The following LIG3 variants were observed in gnomAD, a reference collection of about 807,000 sequenced individuals.
LIG3 encodes ligase II, DNA, ATP-dependent.
LIG3 carries 58 observed loss-of-function variants against 110.9 expected under a neutral mutation model. That is an observed-to-expected ratio of 0.52 (90% CI 0.42 to 0.65). The LOEUF (loss-of-function observed/expected upper bound fraction) is 0.65, where lower values mean the gene tolerates loss of function less well. Ranked by LOEUF, LIG3 falls within the 30% of genes least tolerant of loss-of-function variation. The pLI is 0.00. For missense variants in LIG3, 1,094 were observed against 1,273.8 expected (o/e 0.86, Z 2.15); for synonymous variants, 422 against 472.8 (o/e 0.89, Z 1.39).
rs572335291 is a variant in LIG3 at position 35,002,515 on chromosome 17, T to C, written c.2675-153T>C. Among the ~76,000 whole-genome samples, 19 of 152,312 alleles carry C rather than the reference T, an allele frequency of 1.2e-4. No individual in the cohort carries two copies. In the South Asian group the frequency reaches 2.5e-3, roughly 20 times the overall value. On this transcript the variant is annotated intron_variant, in intron 18 of 19. Transcript: ENST00000378526. Reference sequence around the variant, plus strand: ...TAGTTCTTTTGTATCATATGTTTTTTAGAGACAGGGTCTCACTCTGTCATC... The same window carrying C: ...TAGTTCTTTTGTATCATATGTTTTTCAGAGACAGGGTCTCACTCTGTCATC...
rs752090304 is a variant in LIG3, at chr17:35,004,281, GGA to G, written c.2806_2807del (p.Asp936HisfsTer35). On this transcript the variant is annotated frameshift_variant, in exon 20 of 20. Transcript: ENST00000378526. LOFTEE classifies it high-confidence loss of function. ...CCCCTCTGCATTTGCAGGTATTGCTGGACATCTTCACTGGGGTGCGGCTTTAC... is the reference window on the plus strand; with the variant it reads ...CCCCTCTGCATTTGCAGGTATTGCTGCATCTTCACTGGGGTGCGGCTTTAC... ...ETLCQTKVLL[D>X]IFTGVRLYLP... The G allele has an allele frequency of 6.2e-7, 1 of 1,613,882 alleles. No homozygotes were observed. Among genetic ancestry groups the G allele is most frequent in the Non-Finnish European group, 8.5e-7 (1 of 1,179,870 alleles).
intron 8 of LIG3, among the ~76,000 whole-genome samples, chr17:34,993,928 A>G (rs2090752122): frequency 6.6e-6 from 1 of 152,098 alleles, no homozygotes; most frequent in East Asian, 1.9e-4. Flanking sequence ...GGGAGAACTG[A>G]TGTGTTTTAT....
rs1373389163 is a variant in LIG3 at position 35,004,583 on chromosome 17, T to C, written c.*77T>C. ...GGACTGGACTCAGGCTGGAGGCAGA[T>C]AGACACAGTATAGGGGGAATGGGCT... is the stretch of plus-strand genomic sequence containing the variant. On this transcript the variant is annotated 3_prime_UTR_variant, in exon 20 of 20. Coordinates refer to ENST00000378526, the MANE Select transcript of LIG3 (RefSeq NM_013975.4). 2 of 1,224,256 alleles carry C rather than the reference T, an allele frequency of 1.6e-6. No homozygotes were observed. The highest frequency in any genetic ancestry group is 1.3e-5 in the South Asian group (1 of 76,922). The allele number at this position is 1,224,256 out of a possible 1,614,324, so 75.8% of individuals were successfully genotyped here.
chr17:34,996,517 A>T, intron 10 of LIG3, 57 bp from the exon 11 acceptor site: 2 of 1,412,948 alleles, frequency 1.4e-6, no homozygotes, highest in Middle Eastern at 3.5e-4. Flanking sequence ...GGTACTCCTT[A>T]TTTTTTCACA....
chr17:34,987,172 TAGAC>T (rs2090665155), intron 3 of LIG3, among the ~76,000 whole-genome samples: 1 of 152,226 alleles, frequency 6.6e-6, no homozygotes, highest in Non-Finnish European at 1.5e-5. Flanking sequence ...TACTATTTCA[TAGAC>T]AGGGATTCAG....
Position 35,002,045 on chromosome 17 carries a change from A to G in LIG3, c.2615A>G (p.Lys872Arg). Residue 872 changes from lysine to arginine, a missense_variant, in exon 18 of 20, where the codon AAG becomes AGG. Physicochemically the swap from Lys to Arg is conservative, Grantham distance 26. Coordinates refer to ENST00000378526, the MANE Select transcript of LIG3 (RefSeq NM_013975.4). ...GCTGTGTCCCGCAAGGCCCCCAGCA[A>G]GCCCTCAGCCAGTACCAAGAAAGCA... ...GSAVSRKAPSKPSASTKKAEG... is the reference protein window; with the variant it reads ...GSAVSRKAPSRPSASTKKAEG... The G allele has an allele frequency of 6.2e-7, 1 of 1,605,842 alleles. No individual in the cohort carries two copies.
At position 35,004,693 on chromosome 17, in the gene LIG3, G is replaced by C; in HGVS notation, c.*187G>C. The C allele has an allele frequency of 1.7e-6, 1 of 582,082 alleles. No individual in the cohort carries two copies. Among genetic ancestry groups the C allele is most frequent in the African/African-American group, 1.9e-5 (1 of 53,682 alleles). 36.1% of individuals were successfully genotyped at this position (582,082 alleles called of 1,614,324 possible). A position where few individuals can be genotyped will look rare whatever the true frequency, so the allele number is the denominator to read the frequency against. On this transcript the variant is annotated 3_prime_UTR_variant, in exon 20 of 20. Coordinates refer to ENST00000378526, the MANE Select transcript of LIG3 (RefSeq NM_013975.4). The stretch of plus-strand genomic sequence containing the variant: ...TGGGTGCCACAGCTGAAGTCAGTTT[G>C]TCTTGCTGGTTTAAATAGATCTTTC...
downstream of LIG3, chr17:35,010,011 T>TG (rs1382877538): frequency 6.5e-6 from 1 of 152,674 alleles, no homozygotes; most frequent in Admixed American, 6.5e-5. Flanking sequence ...CTGCAAAGGC[T>TG]GTGGTTCAGA....
intron 4 of LIG3, 145 bp downstream of exon 4, chr17:34,989,808 A>G: frequency 2.7e-6 from 2 of 733,324 alleles, no homozygotes; most frequent in Non-Finnish European, 4.5e-6. Context: ...AATTCTTAAT[A>G]ATTTTGAACA....
At chr17:34,991,887 T>A (rs1437931039) in intron 6 of LIG3, 50 bp downstream of exon 6, 1 of 1,613,718 alleles carries the variant, frequency 6.2e-7, no homozygotes. Context: ...ATGAACTCTC[T>A]TGGGAAGGGA....
Position 34,991,114 on chromosome 17 carries a change from G to A in LIG3, c.1041G>A (p.Gln347=). 1 of 1,613,990 alleles carries A rather than the reference G, an allele frequency of 6.2e-7. No homozygotes were observed. The change falls in exon 5 of 20, where the codon CAG becomes CAA. Residue 347 remains glutamine (Q), a splice_region_variant and synonymous_variant. Transcript: ENST00000378526. The part of the protein sequence containing the change: ...NPDDMARDLE[Q]GDVSETIRVF... ...ATGATATGGCACGGGACCTAGAGCA[G>A]GTCAGAGGAACGGGAGGGAGGGTAG... is the stretch of plus-strand genomic sequence containing the variant.
chr17:34,983,215 C>T lies in LIG3; in HGVS notation c.210C>T (p.Tyr70=), dbSNP rs1192940542. ...QGSHLRSRAT[Y]LVFLPGLHVG... is the part of the protein sequence containing the mutation. The stretch of plus-strand genomic sequence containing the variant: ...GCCATCTAAGATCACGTGCCACCTA[C>T]CTTGTTTTCTTGCCAGGGTTGCATG... The change falls in exon 2 of 20, where the codon TAC becomes TAT. Residue 70 remains tyrosine, a synonymous_variant. Coordinates refer to ENST00000378526, the MANE Select transcript of LIG3 (RefSeq NM_013975.4). 4 of 1,614,208 alleles carry T rather than the reference C, an allele frequency of 2.5e-6. No individual in the cohort carries two copies. The highest frequency in any genetic ancestry group is 3.4e-6 in the Non-Finnish European group (4 of 1,180,032).
chr17:35,009,996 A>C (rs1021106692), downstream of LIG3: 2 of 152,682 alleles, frequency 1.3e-5, no homozygotes, highest in African/African-American at 4.8e-5. Flanking sequence ...TGATTCCCCC[A>C]ACTCCTGCAA....
intron 7 of LIG3, 92 bp from the exon 8 acceptor site, chr17:34,992,432 G>A (rs942353224): frequency 7.7e-7 from 1 of 1,302,172 alleles, no homozygotes; most frequent in Non-Finnish European, 1.1e-6. Flanking sequence ...CTACAGATGA[G>A]GATTTCTTCT....
chr17:34,989,450 G>T lies in LIG3; in HGVS notation c.692-16G>T, dbSNP rs2142248048. On this transcript the variant is annotated splice_polypyrimidine_tract_variant and intron_variant, in intron 3 of 19. Transcript: ENST00000378526. ...AGAAAGGCAGAATGAATTCATCTCT[G>T]TTGTTTCTCCAACAGCCAAGCCCAA... 1 of 1,609,842 alleles carries T rather than the reference G, an allele frequency of 6.2e-7. No individual in the cohort carries two copies. The highest frequency in any genetic ancestry group is 1.7e-4 in the Middle Eastern group (1 of 6,050).
rs1192128320 is a variant in LIG3, at chr17:34,985,981, C to T, written c.548-7C>T. The T allele has an allele frequency of 6.2e-7, 1 of 1,611,920 alleles. No individual in the cohort carries two copies. The highest frequency in any genetic ancestry group is 1.7e-5 in the Admixed American group (1 of 59,576). ...AGGATATTTTATACTCTTTTGGGAT[C>T]CTACAGATCTGTCTTCTAAGGCAGC... On this transcript the variant is annotated splice_polypyrimidine_tract_variant and splice_region_variant and intron_variant, in intron 2 of 19. Transcript: ENST00000378526.
At position 35,004,618 on chromosome 17, in the gene LIG3, C is replaced by A; in HGVS notation, c.*112C>A. On this transcript the variant is annotated 3_prime_UTR_variant, in exon 20 of 20. Coordinates refer to ENST00000378526, the MANE Select transcript of LIG3 (RefSeq NM_013975.4). The stretch of plus-strand genomic sequence containing the variant: ...ATAGGGGGAATGGGCTTGCTTCTCC[C>A]AAACCCACCAGTTCTCCACTGTCTC... 1 of 809,124 alleles carries A rather than the reference C, an allele frequency of 1.2e-6. No individual in the cohort carries two copies. The highest frequency in any genetic ancestry group is 2.0e-6 in the Non-Finnish European group (1 of 500,662). The allele number at this position is 809,124 out of a possible 1,614,324, so 50.1% of individuals were successfully genotyped here.
intron 15 of LIG3, 145 bp downstream of exon 15, chr17:34,999,594 A>C: frequency 8.4e-7 from 1 of 1,191,026 alleles, no homozygotes; most frequent in Non-Finnish European, 1.2e-6. Flanking sequence ...AGGCCTTATA[A>C]TCTCTGAATG....
chr17:34,998,969 C>G, intron 14 of LIG3: 1 of 517,888 alleles, frequency 1.9e-6, no homozygotes. Context: ...CCAATTATTT[C>G]GTCAGGGCCT....
Sources: gnomAD v4.1 joint callset for allele counts (sites outside exome capture counted in the v4.1 genomes callset) on GRCh38, gnomAD v4.1.1 for gene constraint, MANE v1.5 for transcripts, NCBI Gene and HGNC (gene_info 2026-07-23, HGNC 2026-07-21) for gene names.